Variants in NPEPPS observed in about 807,000 individuals in gnomAD.
NPEPPS encodes the protein aminopeptidase puromycin sensitive.
A neutral mutation model predicts 115.5 loss-of-function variants in NPEPPS; 14 were observed. That is an observed-to-expected ratio of 0.12 (90% CI 0.08 to 0.19). The LOEUF is 0.19. NPEPPS is among the 10% of genes least tolerant of loss of function. The pLI is 1.00. For missense variants in NPEPPS, 523 were observed against 1,110.8 expected (o/e 0.47, Z 7.52); for synonymous variants, 285 against 390.6 (o/e 0.73, Z 3.19).
chr17:47,578,837 A>G (rs1338017929), intron 3 of NPEPPS, among the ~76,000 whole-genome samples: 1 of 151,980 alleles, frequency 6.6e-6, no homozygotes, highest in African/African-American at 2.4e-5. Context: ...AATTGGCTAC[A>G]TTTCTCTTTC....
chr17:47,531,836 C>T (rs1281149834), intron 1 of NPEPPS, among the ~76,000 whole-genome samples: 3 of 152,120 alleles, frequency 2.0e-5, no homozygotes, highest in Non-Finnish European at 4.4e-5. Flanking sequence ...CCATTGCGCC[C>T]CTCCCCGGCG....
chr17:47,550,491 G>A (rs1170639743), intron 2 of NPEPPS, among the ~76,000 whole-genome samples: 9 of 148,158 alleles, frequency 6.1e-5, no homozygotes, highest in Non-Finnish European at 1.3e-4. Flanking sequence ...AACGCTGTTT[G>A]GATATTAGTT....
rs372716299 is a variant in NPEPPS at position 47,608,761 on chromosome 17, G to C, written c.2095+3209G>C. On this transcript the variant is annotated intron_variant, in intron 17 of 22. Coordinates refer to ENST00000322157, the MANE Select transcript of NPEPPS (RefSeq NM_006310.4). Reference sequence around the variant, plus strand: ...GAGGTAGAAGGAGAGCCAGGAGAGAGGGGGGGTATCCCAGAATTTAAATAA... The same window carrying C: ...GAGGTAGAAGGAGAGCCAGGAGAGACGGGGGGTATCCCAGAATTTAAATAA... 2.0e-5 allele frequency among the ~76,000 whole-genome samples: 3 copies of C among 149,556 alleles called. No homozygotes were observed. The East Asian group carries it at 5.8e-4, about 29-fold the overall frequency.
intron 1 of NPEPPS, among the ~76,000 whole-genome samples, chr17:47,540,517 G>GT (rs1227011967): frequency 6.6e-6 from 1 of 152,212 alleles, no homozygotes. Flanking sequence ...AATGAGCAGT[G>GT]TTATACTGCG....
chr17:47,610,794 C>A (rs760126461), intron 17 of NPEPPS, among the ~76,000 whole-genome samples: 1 of 145,962 alleles, frequency 6.9e-6, no homozygotes, highest in Non-Finnish European at 1.5e-5. Context: ...GACATGCTTT[C>A]ATTTATTTTC....
intron 1 of NPEPPS, among the ~76,000 whole-genome samples, chr17:47,533,520 T>G (rs531354615): frequency 6.6e-6 from 1 of 152,154 alleles, no homozygotes; most frequent in South Asian, 2.1e-4. Context: ...AAAAAACATT[T>G]GTTTCTTTAC....
chr17:47,612,766 T>C (rs1186041300), intron 18 of NPEPPS, among the ~76,000 whole-genome samples, 164 bp downstream of exon 18: 2 of 151,332 alleles, frequency 1.3e-5, no homozygotes, highest in South Asian at 4.2e-4. Context: ...CGAGTTCCAG[T>C]GATTCTCCTG....
At chr17:47,617,540 T>C (rs1403547703) in intron 19 of NPEPPS, among the ~76,000 whole-genome samples, 1 of 152,024 alleles carries the variant, frequency 6.6e-6, no homozygotes, top group African/African-American at 2.4e-5. Context: ...CTTTGTCTGC[T>C]TTCTTCACTT....
At chr17:47,538,722 G>A (rs1395037225) in intron 1 of NPEPPS, among the ~76,000 whole-genome samples, 1 of 151,018 alleles carries the variant, frequency 6.6e-6, no homozygotes, top group Non-Finnish European at 1.5e-5. Context: ...TAGAGAAGGG[G>A]TTTCACCATA....
chr17:47,534,450 A>G (rs996597948), intron 1 of NPEPPS, among the ~76,000 whole-genome samples: 5 of 152,236 alleles, frequency 3.3e-5, no homozygotes, highest in African/African-American at 4.8e-5. Flanking sequence ...TTGGAATCAC[A>G]TAACACAAAA....
chr17:47,562,503 C>G (rs1378627516), intron 2 of NPEPPS, among the ~76,000 whole-genome samples: 2 of 151,966 alleles, frequency 1.3e-5, no homozygotes, highest in Non-Finnish European at 2.9e-5. Flanking sequence ...TTTGATTTTT[C>G]TCCACAAGGG....
intron 17 of NPEPPS, among the ~76,000 whole-genome samples, chr17:47,611,458 C>CAAA (rs71141920): frequency 3.3e-5 from 4 of 120,144 alleles, no homozygotes; most frequent in Admixed American, 8.2e-5. Flanking sequence ...GACCACATCT[C>CAAA]AAAAAAAAAA....
intron 12 of NPEPPS, among the ~76,000 whole-genome samples, chr17:47,592,937 A>T (rs1475695943): frequency 6.6e-6 from 1 of 151,880 alleles, no homozygotes; most frequent in Non-Finnish European, 1.5e-5. Flanking sequence ...CTGGTGTGTG[A>T]TGTTCCCCGC....
chr17:47,623,086 AC>A lies in NPEPPS; in HGVS notation c.*1168del, dbSNP rs1394541601. ...AATCTCATTCCCTTCTTCTTTCCCT[AC>A]CTTTTTTTTCTTTTTTTCTTAAAAA... On this transcript the variant is annotated 3_prime_UTR_variant, in exon 23 of 23. Coordinates refer to ENST00000322157, the MANE Select transcript of NPEPPS (RefSeq NM_006310.4). 2.4e-5 allele frequency: 6 copies of A among 253,258 alleles called. No homozygotes were observed. Among genetic ancestry groups the A allele is most frequent in the Non-Finnish European group, 3.9e-5 (5 of 128,360 alleles). The allele number at this position is 253,258 out of a possible 1,614,324, so 15.7% of individuals were successfully genotyped here.
chr17:47,579,625 T>C (rs1911740158), intron 4 of NPEPPS, 114 bp downstream of exon 4: 2 of 919,836 alleles, frequency 2.2e-6, no homozygotes, highest in South Asian at 3.6e-5. Context: ...GCCATGATTG[T>C]ATTCACAATT....
intron 17 of NPEPPS, among the ~76,000 whole-genome samples, chr17:47,609,110 G>C (rs1040787499): frequency 6.6e-6 from 1 of 152,028 alleles, no homozygotes; most frequent in Non-Finnish European, 1.5e-5. Flanking sequence ...TACATTTTCT[G>C]CAACTATTTG....
intron 22 of NPEPPS, 140 bp downstream of exon 22, chr17:47,619,924 A>AG: frequency 1.5e-6 from 1 of 668,132 alleles, no homozygotes; most frequent in Non-Finnish European, 2.6e-6. Flanking sequence ...AGGGCTGTAT[A>AG]GGCCATATTA....
At chr17:47,609,910 A>G (rs2143947060) in intron 17 of NPEPPS, among the ~76,000 whole-genome samples, 1 of 152,148 alleles carries the variant, frequency 6.6e-6, no homozygotes, top group East Asian at 1.9e-4. Flanking sequence ...GCTGAGTAGT[A>G]TTTCATCATA....
At chr17:47,544,756 C>T (rs1909074590) in intron 1 of NPEPPS, among the ~76,000 whole-genome samples, 1 of 142,476 alleles carries the variant, frequency 7.0e-6, no homozygotes, top group Non-Finnish European at 1.5e-5. Context: ...CTCTGTCGCC[C>T]AGGCTGCAGT....
Sources: gnomAD v4.1 joint callset for allele counts (sites outside exome capture counted in the v4.1 genomes callset) on GRCh38, gnomAD v4.1.1 for gene constraint, MANE v1.5 for transcripts, NCBI Gene and HGNC (gene_info 2026-07-23, HGNC 2026-07-21) for gene names.